The following MTAP variants were observed in gnomAD, a reference collection of about 807,000 sequenced individuals.
The protein encoded by MTAP is S-methyl-5'-thioadenosine phosphorylase.
Under a neutral mutation model 33.6 loss-of-function variants are expected in MTAP, and 33 were observed. The ratio of observed to expected loss-of-function variants is 0.98; its 90% CI spans 0.74 to 1.31. The LOEUF is 1.31. MTAP is among the 40% of genes most tolerant of loss of function. The probability of loss-of-function intolerance (pLI) is 0.00; values close to 1 mark genes in which losing one functional copy is unlikely to be tolerated. For missense variants in MTAP, 367 were observed against 360.0 expected (o/e 1.02, Z -0.16); for synonymous variants, 148 against 125.7 (o/e 1.18, Z -1.19).
chr9:21,926,605 G>A (rs535469383), intron 1 of MTAP, among the ~76,000 whole-genome samples: 53 of 152,294 alleles, frequency 3.5e-4, no homozygotes, highest in African/African-American at 1.1e-3. Context: ...TAGTACTTCC[G>A]CAAGGTTCCA....
Position 21,863,244 on chromosome 9 carries a change from G to C in MTAP, c.*1230G>C, listed in dbSNP as rs1232306094. The C allele has an allele frequency of 1.0e-6, 1 of 973,464 alleles. No individual in the cohort carries two copies. 60.3% of individuals were successfully genotyped at this position (973,464 alleles called of 1,614,324 possible). On this transcript the variant is annotated 3_prime_UTR_variant, in exon 8 of 8. Transcript: ENST00000644715. ...TGAGTTAAATTATTTTATACGAGTTGGTAATTTTTGCTTTTTAATAAAGTG... is the reference window on the plus strand; with the variant it reads ...TGAGTTAAATTATTTTATACGAGTTCGTAATTTTTGCTTTTTAATAAAGTG...
At chr9:21,927,495 A>G (rs1305834161) in intron 1 of MTAP, among the ~76,000 whole-genome samples, 4 of 152,234 alleles carry the variant, frequency 2.6e-5, no homozygotes, top group African/African-American at 9.6e-5. Flanking sequence ...CAGCCTCCTT[A>G]CTGCCACTAC....
At chr9:21,911,912 G>T (rs920427167) in intron 1 of MTAP, among the ~76,000 whole-genome samples, 1 of 152,034 alleles carries the variant, frequency 6.6e-6, no homozygotes, top group African/African-American at 2.4e-5. Flanking sequence ...AAAGAGAGAA[G>T]AATCAAATAG....
intron 1 of MTAP, among the ~76,000 whole-genome samples, chr9:21,916,121 AGGG>A (rs1370396119): frequency 1.4e-5 from 2 of 146,650 alleles, no homozygotes; most frequent in African/African-American, 5.2e-5. Context: ...GGAAGGAAGG[AGGG>A]AGGGAAGGAA....
intron 5 of MTAP, among the ~76,000 whole-genome samples, chr9:21,845,192 CAA>C (rs1284622596): frequency 6.6e-6 from 1 of 152,084 alleles, no homozygotes; most frequent in Non-Finnish European, 1.5e-5. Flanking sequence ...AGCAATCAGA[CAA>C]GAGAAAGAAA....
At chr9:21,906,344 AC>A (rs1229145154) in intron 1 of MTAP, among the ~76,000 whole-genome samples, 5 of 152,222 alleles carry the variant, frequency 3.3e-5, no homozygotes, top group Non-Finnish European at 7.3e-5. Context: ...GTGAAAAAAA[AC>A]ATTAAAAATA....
intron 1 of MTAP, chr9:21,893,434 C>G (rs1264207284): frequency 2.0e-5 from 3 of 152,042 alleles, no homozygotes; most frequent in Admixed American, 6.5e-5. Flanking sequence ...AAAATACATA[C>G]AATTGTTTTC....
intron 1 of MTAP, among the ~76,000 whole-genome samples, chr9:21,891,380 G>A (rs113284033): frequency 3.9e-4 from 60 of 152,152 alleles, no homozygotes; most frequent in African/African-American, 1.4e-3. Context: ...CCTACTCCAA[G>A]GAATCTAAGG....
At chr9:21,890,251 G>T (rs1030257612) in intron 1 of MTAP, among the ~76,000 whole-genome samples, 4 of 152,230 alleles carry the variant, frequency 2.6e-5, no homozygotes, top group African/African-American at 7.2e-5. Context: ...GCCTCACCCA[G>T]TTCCCACGCA....
intron 5 of MTAP, among the ~76,000 whole-genome samples, chr9:21,841,169 T>G (rs1825233810): frequency 6.6e-6 from 1 of 152,194 alleles, no homozygotes; most frequent in Non-Finnish European, 1.5e-5. Context: ...CTACCCACCC[T>G]GGTAGCCAAA....
rs572417216 is a variant in MTAP, at chr9:21,865,898, A to G, written c.*3884A>G. ...TGCCTATCTTACAATTTGATTATCT[A>G]TTCACCTGTTGATGAATGTTTGAAT... On this transcript the variant is annotated 3_prime_UTR_variant, in exon 8 of 8. Transcript: ENST00000644715. 5.5e-5 allele frequency: 35 copies of G among 638,360 alleles called. No individual in the cohort carries two copies. The highest frequency in any genetic ancestry group is 7.8e-4 in the Middle Eastern group (1 of 1,286). 39.5% of individuals were successfully genotyped at this position (638,360 alleles called of 1,614,324 possible).
rs567702791 is a variant in MTAP, at chr9:21,840,930, A to G, written c.450+2920A>G. ...GCACTGCAGGAGTGAGACTAGCCTC[A>G]CCAACTGCATAGTAGCTGGATGAGG... On this transcript the variant is annotated intron_variant, in intron 5 of 7. Coordinates refer to ENST00000644715, the MANE Select transcript of MTAP (RefSeq NM_002451.4). Among the ~76,000 whole-genome samples the G allele has an allele frequency of 5.3e-5, 8 of 152,268 alleles. No individual in the cohort carries two copies. In the East Asian group the frequency reaches 1.5e-3, roughly 29 times the overall value.
chr9:21,940,587 C>T (rs1471647188), downstream of MTAP, among the ~76,000 whole-genome samples: 1 of 152,088 alleles, frequency 6.6e-6, no homozygotes. Flanking sequence ...TTTGAGGGTT[C>T]CCTTGACCTC....
rs1354478841 is a variant in MTAP at position 21,821,161 on chromosome 9, G to A, written c.347+2959G>A. ...CCCTGGCCAGAACTTCCAGCACTGT[G>A]TTGAATAGGAGTGGTGAGAGAGGGC... On this transcript the variant is annotated intron_variant, in intron 4 of 7. Transcript: ENST00000644715. 3.9e-5 allele frequency among the ~76,000 whole-genome samples: 6 copies of A among 152,342 alleles called. No homozygotes were observed. In the East Asian group the frequency reaches 1.2e-3, roughly 29 times the overall value.
chr9:21,867,994 G>A (rs1228090215), downstream of MTAP, among the ~76,000 whole-genome samples: 2 of 152,016 alleles, frequency 1.3e-5, no homozygotes, highest in Non-Finnish European at 1.5e-5. Flanking sequence ...TGACAAAAGG[G>A]GAAATCAAAA....
intron 1 of MTAP, among the ~76,000 whole-genome samples, chr9:21,918,521 A>T (rs1421265073): frequency 6.6e-6 from 1 of 152,104 alleles, no homozygotes; most frequent in Non-Finnish European, 1.5e-5. Flanking sequence ...CATTTAACCA[A>T]AAACCATCTG....
At chr9:21,828,220 C>T (rs780017950) in intron 4 of MTAP, among the ~76,000 whole-genome samples, 1 of 152,178 alleles carries the variant, frequency 6.6e-6, no homozygotes, top group African/African-American at 2.4e-5. Flanking sequence ...CTTAATGTTT[C>T]CTTGGAAGTT....
At chr9:21,823,968 A>T (rs1353780196) in intron 4 of MTAP, among the ~76,000 whole-genome samples, 1 of 152,194 alleles carries the variant, frequency 6.6e-6, no homozygotes, top group East Asian at 1.9e-4. Flanking sequence ...CAGGTCATTT[A>T]AGGACTTCTC....
chr9:21,856,082 T>A, intron 6 of MTAP: 1 of 833,296 alleles, frequency 1.2e-6, no homozygotes, highest in Non-Finnish European at 1.4e-6. Context: ...CACCTCTTTC[T>A]CTTTTTATTC....
Sources: allele counts gnomAD v4.1 joint callset (sites outside exome capture counted in the v4.1 genomes callset), GRCh38; gene constraint gnomAD v4.1.1; transcripts MANE v1.5; gene names NCBI Gene and HGNC (gene_info 2026-07-23, HGNC 2026-07-21).